Variants in WWOX observed in about 807,000 individuals in gnomAD.
The protein encoded by WWOX is WW domain containing oxidoreductase, also known as WW domain-containing oxidoreductase.
A neutral mutation model predicts 46.2 loss-of-function variants in WWOX; 69 were observed. The ratio of observed to expected loss-of-function variants is 1.49; its 90% confidence interval spans 1.23 to 1.82. WWOX has a LOEUF of 1.82. Ranked by LOEUF, WWOX falls within the 40% of genes most tolerant of loss-of-function variation. The pLI is 0.00. For missense variants in WWOX, 919 were observed against 542.6 expected (o/e 1.69, Z -6.89); for synonymous variants, 359 against 202.6 (o/e 1.77, Z -6.56).
Position 78,601,614 on chromosome 16 carries a change from C to T in WWOX, c.1056+168862C>T, listed in dbSNP as rs547760929. Among the ~76,000 whole-genome samples, 21 of 152,268 alleles carry T rather than the reference C, an allele frequency of 1.4e-4. No individual in the cohort carries two copies. In the South Asian group the frequency reaches 4.1e-3, roughly 30 times the overall value. On this transcript the variant is annotated intron_variant, in intron 8 of 8. Coordinates refer to ENST00000566780, the MANE Select transcript of WWOX (RefSeq NM_016373.4). Reference sequence around the variant, plus strand: ...CTTTACCCGTGGTGTAAAATATATACTTTCTAATGTAAATCAAGAAGCTAT... The same window carrying T: ...CTTTACCCGTGGTGTAAAATATATATTTTCTAATGTAAATCAAGAAGCTAT...
chr16:78,805,717 C>A (rs796386687), intron 8 of WWOX, among the ~76,000 whole-genome samples: 1 of 152,200 alleles, frequency 6.6e-6, no homozygotes, highest in Non-Finnish European at 1.5e-5. Flanking sequence ...AAATAAGTCA[C>A]TGTCACTCTT....
intron 8 of WWOX, among the ~76,000 whole-genome samples, chr16:78,734,801 G>T (rs2049046258): frequency 7.6e-6 from 1 of 130,824 alleles, no homozygotes; most frequent in Admixed American, 8.7e-5. Flanking sequence ...ACTTCAAAGA[G>T]AACTCCTTCT....
At chr16:78,203,794 G>T (rs1567425509) in intron 5 of WWOX, among the ~76,000 whole-genome samples, 1 of 152,202 alleles carries the variant, frequency 6.6e-6, no homozygotes, top group Non-Finnish European at 1.5e-5. Context: ...TTCCTCACTG[G>T]TGTGGTCGTG....
intron 8 of WWOX, among the ~76,000 whole-genome samples, chr16:79,118,611 T>C (rs2049566200): frequency 6.6e-6 from 1 of 152,216 alleles, no homozygotes; most frequent in Non-Finnish European, 1.5e-5. Context: ...GGTATGCCGA[T>C]AATACATACA....
intron 5 of WWOX, among the ~76,000 whole-genome samples, chr16:78,361,046 C>T (rs567283275): frequency 6.6e-6 from 1 of 152,134 alleles, no homozygotes; most frequent in Non-Finnish European, 1.5e-5. Context: ...TGGTTTTGAG[C>T]TCCTGGGCTC....
intron 8 of WWOX, among the ~76,000 whole-genome samples, chr16:78,477,414 G>T (rs915099108): frequency 6.6e-6 from 1 of 151,748 alleles, no homozygotes; most frequent in Non-Finnish European, 1.5e-5. Flanking sequence ...AAGTGTTACT[G>T]TGTAATTTGC....
intron 5 of WWOX, among the ~76,000 whole-genome samples, chr16:78,247,558 C>T (rs1293932175): frequency 6.6e-6 from 1 of 152,154 alleles, no homozygotes; most frequent in Non-Finnish European, 1.5e-5. Flanking sequence ...ACTGCAATCT[C>T]TATTTCCTTC....
Position 78,791,198 on chromosome 16 carries a change from C to T in WWOX, c.1056+358446C>T, listed in dbSNP as rs146181974. 2.6e-3 allele frequency among the ~76,000 whole-genome samples: 394 copies of T among 152,092 alleles called. 1 individual carries two copies. The highest frequency in any genetic ancestry group is 8.1e-3 in the African/African-American group (337 of 41,478). On this transcript the variant is annotated intron_variant, in intron 8 of 8. Transcript: ENST00000566780. ...ACCATCTGGATGTGGGCTGTATCTG[C>T]GTAAGGTGCCGGGACAGGGCGGCCT...
At chr16:78,530,592 G>T (rs1165563573) in intron 8 of WWOX, among the ~76,000 whole-genome samples, 1 of 152,130 alleles carries the variant, frequency 6.6e-6, no homozygotes, top group Non-Finnish European at 1.5e-5. Context: ...TTGGGGGCAG[G>T]CCGGGCCATG....
intron 5 of WWOX, among the ~76,000 whole-genome samples, chr16:78,177,051 T>C (rs751901240): frequency 6.6e-6 from 1 of 152,174 alleles, no homozygotes; most frequent in African/African-American, 2.4e-5. Flanking sequence ...TCTCTGGAGG[T>C]AGGGCCCAGC....
chr16:78,303,451 C>G (rs1313843228), intron 5 of WWOX, among the ~76,000 whole-genome samples: 2 of 152,182 alleles, frequency 1.3e-5, no homozygotes, highest in Non-Finnish European at 2.9e-5. Context: ...GGATCCAGAA[C>G]TAGGGAGTTG....
intron 8 of WWOX, among the ~76,000 whole-genome samples, chr16:79,088,114 C>T (rs1304998764): frequency 1.3e-5 from 2 of 152,172 alleles, no homozygotes; most frequent in Non-Finnish European, 2.9e-5. Flanking sequence ...CTCTCTCAGG[C>T]TCCTGAAGGA....
chr16:78,954,790 GTTATTA>G (rs1465452347), intron 8 of WWOX, among the ~76,000 whole-genome samples: 1 of 152,020 alleles, frequency 6.6e-6, no homozygotes, highest in Non-Finnish European at 1.5e-5. Flanking sequence ...TTATTTATTT[GTTATTA>G]TTATGTTTTT....
At chr16:78,578,025 G>A (rs1334286176) in intron 8 of WWOX, among the ~76,000 whole-genome samples, 2 of 151,642 alleles carry the variant, frequency 1.3e-5, no homozygotes, top group South Asian at 2.1e-4. Context: ...AAAGTATACC[G>A]CCATTGTTCT....
chr16:78,952,393 T>G lies in WWOX; in HGVS notation c.1057-259215T>G, dbSNP rs573861762. ...TTTTTTTGTTTTTTGAGTTTTTTTT[T>G]TTTTTTGAGACAAAAGTCTCGCTCT... On this transcript the variant is annotated intron_variant, in intron 8 of 8. Transcript: ENST00000566780. Among the ~76,000 whole-genome samples the G allele has an allele frequency of 2.6e-3, 389 of 151,788 alleles. 3 individuals carry two copies. Among genetic ancestry groups the G allele is most frequent in the African/African-American group, 9.2e-3 (380 of 41,418 alleles).
chr16:78,876,689 G>T (rs2044241095), intron 8 of WWOX, among the ~76,000 whole-genome samples: 1 of 152,162 alleles, frequency 6.6e-6, no homozygotes, highest in Non-Finnish European at 1.5e-5. Flanking sequence ...TCTCAGAACA[G>T]CCCAGTTAGG....
intron 8 of WWOX, among the ~76,000 whole-genome samples, chr16:78,473,675 T>G (rs958066850): frequency 6.6e-6 from 1 of 152,164 alleles, no homozygotes; most frequent in African/African-American, 2.4e-5. Flanking sequence ...TTTTTGGAAT[T>G]GTCTTAAACA....
chr16:78,778,384 G>T (rs1334632376), intron 8 of WWOX, among the ~76,000 whole-genome samples: 1 of 152,168 alleles, frequency 6.6e-6, no homozygotes, highest in Non-Finnish European at 1.5e-5. Flanking sequence ...GTGACAGCAA[G>T]ACCACAAACT....
At chr16:78,472,687 T>C (rs917408982) in intron 8 of WWOX, among the ~76,000 whole-genome samples, 2 of 151,730 alleles carry the variant, frequency 1.3e-5, no homozygotes, top group Non-Finnish European at 2.9e-5. Flanking sequence ...TACACAGCTG[T>C]AGTCCCAGCT....
Sources: gnomAD v4.1 joint callset for allele counts (sites outside exome capture counted in the v4.1 genomes callset) on GRCh38, gnomAD v4.1.1 for gene constraint, MANE v1.5 for transcripts, NCBI Gene and HGNC (gene_info 2026-07-23, HGNC 2026-07-21) for gene names.